SBF2: variants seen among roughly 807,000 people sequenced by gnomAD.
The protein encoded by SBF2 is SET binding factor 2.
Under a neutral mutation model 225.2 loss-of-function variants are expected in SBF2, and 112 were observed. That is an observed-to-expected ratio of 0.50 (90% CI 0.43 to 0.58). SBF2 has a LOEUF of 0.58. Among genes scored for constraint, SBF2 ranks in the 20% least tolerant of loss-of-function variants. The pLI is 0.00. For synonymous variants in SBF2, 763 were observed against 773.3 expected, an observed-to-expected ratio of 0.99 and a Z score of 0.22; for missense variants, 1,996 against 2,206.2, an observed-to-expected ratio of 0.90 and a Z score of 1.91.
At chr11:10,080,679 A>G (rs758779445) in intron 2 of SBF2, among the ~76,000 whole-genome samples, 5 of 152,302 alleles carry the variant, frequency 3.3e-5, no homozygotes, top group Non-Finnish European at 7.4e-5. Context: ...CGTGGAATGA[A>G]TTTAAAAACA....
At chr11:9,846,520 T>G (rs1209693432) in intron 23 of SBF2, among the ~76,000 whole-genome samples, 1 of 152,230 alleles carries the variant, frequency 6.6e-6, no homozygotes, top group East Asian at 1.9e-4. Flanking sequence ...GGAAAACCTC[T>G]TGCTTTATCA....
chr11:10,227,108 C>T (rs894782102), intron 1 of SBF2, among the ~76,000 whole-genome samples: 2 of 152,108 alleles, frequency 1.3e-5, no homozygotes, highest in Non-Finnish European at 2.9e-5. Context: ...TGTTTTTTGG[C>T]TGCATAAATG....
intron 16 of SBF2, among the ~76,000 whole-genome samples, chr11:9,924,521 T>C (rs1412892415): frequency 6.6e-6 from 1 of 152,078 alleles, no homozygotes; most frequent in Non-Finnish European, 1.5e-5. Flanking sequence ...AACCTCTGCC[T>C]CCTGGGTTCA....
chr11:9,920,921 T>G (rs1180553989), intron 16 of SBF2, among the ~76,000 whole-genome samples: 1 of 152,090 alleles, frequency 6.6e-6, no homozygotes, highest in Admixed American at 6.6e-5. Context: ...TACCCTTAAT[T>G]TTCCCATTCA....
intron 2 of SBF2, among the ~76,000 whole-genome samples, chr11:10,103,584 T>C (rs758114841): frequency 1.3e-5 from 2 of 152,234 alleles, no homozygotes; most frequent in Non-Finnish European, 2.9e-5. Flanking sequence ...CCACAGACAA[T>C]TGTTGTCTTG....
At chr11:10,197,087 C>A (rs1226183301) in intron 1 of SBF2, among the ~76,000 whole-genome samples, 2 of 152,014 alleles carry the variant, frequency 1.3e-5, no homozygotes, top group East Asian at 3.9e-4. Context: ...CTCTAGTAAA[C>A]TGTGGCAGCA....
chr11:10,144,186 GA>G (rs1301683212), intron 2 of SBF2, among the ~76,000 whole-genome samples: 4 of 151,986 alleles, frequency 2.6e-5, no homozygotes, highest in Non-Finnish European at 5.9e-5. Context: ...GCCCTATTTA[GA>G]AATAAAAATT....
chr11:10,183,524 C>A (rs1049337050), intron 2 of SBF2, among the ~76,000 whole-genome samples: 2 of 152,066 alleles, frequency 1.3e-5, no homozygotes, highest in Non-Finnish European at 2.9e-5. Flanking sequence ...CCTAAGTTTT[C>A]TTTTAAAAAC....
At chr11:9,788,807 G>C (rs1346643432) in intron 35 of SBF2, among the ~76,000 whole-genome samples, 1 of 144,114 alleles carries the variant, frequency 6.9e-6, no homozygotes, top group Non-Finnish European at 1.5e-5. Flanking sequence ...GGGTTTTACT[G>C]TGTTAACCAG....
At chr11:10,048,320 C>T (rs751637223) in intron 2 of SBF2, among the ~76,000 whole-genome samples, 1 of 152,158 alleles carries the variant, frequency 6.6e-6, no homozygotes, top group Non-Finnish European at 1.5e-5. Context: ...TCAAAAGAGT[C>T]CCCAATGTCA....
At chr11:10,287,944 C>T (rs1029686837) in intron 1 of SBF2, among the ~76,000 whole-genome samples, 1 of 152,238 alleles carries the variant, frequency 6.6e-6, no homozygotes, top group Admixed American at 6.5e-5. Context: ...CAGCTGCTGC[C>T]ACAGGGTGGG....
intron 16 of SBF2, among the ~76,000 whole-genome samples, chr11:9,925,088 G>C (rs1863926244): frequency 6.6e-6 from 1 of 152,014 alleles, no homozygotes; most frequent in South Asian, 2.1e-4. Flanking sequence ...AACTTACAAA[G>C]AGTTTATCAG....
chr11:10,008,968 T>C (rs556271052), intron 6 of SBF2, among the ~76,000 whole-genome samples: 1 of 152,276 alleles, frequency 6.6e-6, no homozygotes, highest in Admixed American at 6.5e-5. Context: ...AACCAGGAGG[T>C]TTACTCCTCC....
intron 1 of SBF2, among the ~76,000 whole-genome samples, chr11:10,219,585 T>C (rs2135402956): frequency 6.6e-6 from 1 of 152,354 alleles, no homozygotes; most frequent in South Asian, 2.1e-4. Context: ...AAATAGGGTT[T>C]TCTTTTCTAT....
chr11:10,085,424 G>C (rs939130976), intron 2 of SBF2, among the ~76,000 whole-genome samples: 1 of 152,040 alleles, frequency 6.6e-6, no homozygotes, highest in African/African-American at 2.4e-5. Flanking sequence ...ACTCTATCTA[G>C]AGAAGATTTT....
At chr11:10,232,363 T>C (rs1443412274) in intron 1 of SBF2, among the ~76,000 whole-genome samples, 1 of 152,058 alleles carries the variant, frequency 6.6e-6, no homozygotes, top group Non-Finnish European at 1.5e-5. Flanking sequence ...GGTACCTCAG[T>C]TGGAAATGCA....
chr11:10,156,960 A>G (rs1955505409), intron 2 of SBF2, among the ~76,000 whole-genome samples: 1 of 152,244 alleles, frequency 6.6e-6, no homozygotes, highest in Non-Finnish European at 1.5e-5. Context: ...CAAATAGCTA[A>G]GGCAATCCTA....
At chr11:10,136,486 C>G (rs1289943456) in intron 2 of SBF2, among the ~76,000 whole-genome samples, 1 of 152,144 alleles carries the variant, frequency 6.6e-6, no homozygotes, top group African/African-American at 2.4e-5. Flanking sequence ...ATTATGTGTA[C>G]ACACTGAAGC....
intron 6 of SBF2, among the ~76,000 whole-genome samples, chr11:10,026,836 C>T (rs1170029945): frequency 6.6e-6 from 1 of 151,716 alleles, no homozygotes; most frequent in Non-Finnish European, 1.5e-5. Flanking sequence ...GGATTATGTA[C>T]GTCATATTAG....
Sources: allele counts gnomAD v4.1 joint callset (sites outside exome capture counted in the v4.1 genomes callset), GRCh38; gene constraint gnomAD v4.1.1; transcripts MANE v1.5; gene names NCBI Gene and HGNC (gene_info 2026-07-23, HGNC 2026-07-21).